MEAK7: variants seen among roughly 807,000 people sequenced by gnomAD.
The protein encoded by MEAK7 is MTOR-associated protein MEAK7.
In MEAK7, 68 loss-of-function variants were observed where a neutral mutation model predicts 40.5. The ratio of observed to expected loss-of-function variants is 1.68; its 90% CI spans 1.38 to 2.06. The LOEUF is 2.06. Among genes scored for constraint, MEAK7 ranks in the 30% most tolerant of loss-of-function variants. The pLI, the probability that MEAK7 is intolerant of heterozygous loss-of-function variation, is 0.00. For missense variants in MEAK7, 918 were observed against 580.5 expected, an observed-to-expected ratio of 1.58 and a Z score of -5.98; for synonymous variants, 338 against 231.9, an observed-to-expected ratio of 1.46 and a Z score of -4.16.
intron 1 of MEAK7, among the ~76,000 whole-genome samples, chr16:84,503,034 T>C (rs145144210): frequency 6.6e-5 from 10 of 152,282 alleles, no homozygotes; most frequent in African/African-American, 2.4e-4. Flanking sequence ...AAACCACTCA[T>C]CCTTGATATT....
intron 2 of MEAK7, chr16:84,497,326 G>T: frequency 1.0e-6 from 1 of 995,666 alleles, no homozygotes; most frequent in Middle Eastern, 3.7e-4. Context: ...TGGGCAAATG[G>T]GCAGTTTTAA....
At chr16:84,481,222 CCT>C (rs1912512890) in intron 6 of MEAK7, among the ~76,000 whole-genome samples, 1 of 152,356 alleles carries the variant, frequency 6.6e-6, no homozygotes, top group South Asian at 2.1e-4. Context: ...GATGCGAACC[CCT>C]GTGCCTTCCA....
At chr16:84,482,509 A>G (rs1458780990) in intron 6 of MEAK7, 83 bp downstream of exon 6, 1 of 1,606,976 alleles carries the variant, frequency 6.2e-7, no homozygotes, top group Non-Finnish European at 8.5e-7. Context: ...CCCTGCCCTG[A>G]TCTGTGGAGC....
chr16:84,485,673 C>CCTAT (rs201436650), intron 5 of MEAK7, among the ~76,000 whole-genome samples: 9,258 of 147,648 alleles, frequency 0.063, 615 homozygotes, highest in East Asian at 0.32. Context: ...CATCTATCTA[C>CCTAT]CTATCTATCT....
At chr16:84,498,156 A>C in intron 1 of MEAK7, 45 bp from the exon 2 acceptor site, 1 of 1,522,224 alleles carries the variant, frequency 6.6e-7, no homozygotes, top group Non-Finnish European at 8.8e-7. Flanking sequence ...AAAATTTAAT[A>C]ATCACAGAAA....
At chr16:84,497,221 A>C (rs572191051) in intron 2 of MEAK7, 1 of 353,788 alleles carries the variant, frequency 2.8e-6, no homozygotes, top group East Asian at 7.8e-5. Flanking sequence ...CTGGACTCCC[A>C]GGAAGATGAG....
At chr16:84,492,697 T>C (rs933834314) in intron 3 of MEAK7, among the ~76,000 whole-genome samples, 2 of 152,174 alleles carry the variant, frequency 1.3e-5, no homozygotes, top group African/African-American at 4.8e-5. Flanking sequence ...TTCTCCTGCC[T>C]TGGCCTCCCG....
chr16:84,478,251 C>G lies in MEAK7; in HGVS notation c.*1662G>C, dbSNP rs1231725831. 2 of 152,306 alleles carry G rather than the reference C, an allele frequency of 1.3e-5. No homozygotes were observed. Among genetic ancestry groups the G allele is most frequent in the East Asian group, 3.9e-4 (2 of 5,186 alleles). The allele number at this position is 152,306 out of a possible 1,614,324, so 9.4% of individuals were successfully genotyped here. On this transcript the variant is annotated 3_prime_UTR_variant, in exon 8 of 8. Transcript: ENST00000343629. Reference sequence around the variant, plus strand: ...AATGTTCCCCATAAGCCATTACAAACTGGCTAAGGAAAATCAGTCATGACT... The same window carrying G: ...AATGTTCCCCATAAGCCATTACAAAGTGGCTAAGGAAAATCAGTCATGACT...
At chr16:84,501,168 G>C (rs963742515) in intron 1 of MEAK7, among the ~76,000 whole-genome samples, 5 of 152,046 alleles carry the variant, frequency 3.3e-5, no homozygotes, top group South Asian at 2.1e-4. Context: ...GTGTGGCCTG[G>C]GGGTGTAACA....
chr16:84,483,717 A>C (rs138316950), intron 5 of MEAK7, among the ~76,000 whole-genome samples: 27 of 152,298 alleles, frequency 1.8e-4, no homozygotes, highest in African/African-American at 6.3e-4. Context: ...GGCCTCTGCC[A>C]TCAGGGTCTG....
Position 84,489,411 on chromosome 16 carries a change from A to C in MEAK7, c.396T>G (p.Asp132Glu), listed in dbSNP as rs762269192. 5 of 1,611,634 alleles carry C rather than the reference A, an allele frequency of 3.1e-6. No homozygotes were observed. Among genetic ancestry groups the C allele is most frequent in the Non-Finnish European group, 4.2e-6 (5 of 1,178,744 alleles). Residue 132 changes from aspartate (D) to glutamate (E), a missense_variant, in exon 4 of 8, where the codon GAT becomes GAG. Asp to Glu is a conservative substitution (Grantham distance 45). Transcript: ENST00000343629. ...GCACGTGCACCACAGAGCCAACCAG[A>C]TCCTCTGTAAACTGTAAGATCACAA... ...KAREVQKFTE[D>E]LVGSVVHVLS...
chr16:84,487,972 G>A (rs415078), intron 4 of MEAK7: 77,439 of 152,044 alleles, frequency 0.51, 20,577 homozygotes, highest in East Asian at 0.9. Flanking sequence ...CCAACCTAGC[G>A]AAAATTTGAC....
chr16:84,477,257 T>A lies in MEAK7; in HGVS notation c.*2656A>T, dbSNP rs1445699023. 6.6e-6 allele frequency: 1 copy of A among 152,112 alleles called. No individual in the cohort carries two copies. Among genetic ancestry groups the A allele is most frequent in the Non-Finnish European group, 1.5e-5 (1 of 68,408 alleles). 9.4% of individuals were successfully genotyped at this position (152,112 alleles called of 1,614,324 possible). ...CCCAGGCTAGAGTGCAATGGCACGA[T>A]CTCGGCTCACCACAACCTCTGCCTC... On this transcript the variant is annotated 3_prime_UTR_variant, in exon 8 of 8. Transcript: ENST00000343629.
chr16:84,490,463 T>TCC (rs1567497303), intron 3 of MEAK7, among the ~76,000 whole-genome samples: 1 of 85,876 alleles, frequency 1.2e-5, no homozygotes, highest in Non-Finnish European at 3.1e-5. Flanking sequence ...TTTTTTTTTT[T>TCC]TTTTTTTTTT....
rs539038050 is a variant in MEAK7 at position 84,482,855 on chromosome 16, G to C, written c.959-145C>G. ...TCCAGGTGTCGGCAGATCAGGGTTT[G>C]GGACAAGCTGCTAGGGACCCAGGTG... On this transcript the variant is annotated intron_variant, in intron 5 of 7. Coordinates refer to ENST00000343629, the MANE Select transcript of MEAK7 (RefSeq NM_020947.4). The C allele has an allele frequency of 2.4e-6, 3 of 1,274,942 alleles. No individual in the cohort carries two copies. In the South Asian group the frequency reaches 4.4e-5, roughly 19 times the overall value. 79.0% of individuals were successfully genotyped at this position (1,274,942 alleles called of 1,614,324 possible). A position where few individuals can be genotyped will look rare whatever the true frequency, so the allele number is the denominator to read the frequency against.
intron 2 of MEAK7, chr16:84,497,661 A>G: frequency 6.9e-7 from 1 of 1,442,538 alleles, no homozygotes; most frequent in Non-Finnish European, 9.2e-7. Context: ...TAGTACAGAT[A>G]AGAGACTATT....
intron 1 of MEAK7, among the ~76,000 whole-genome samples, chr16:84,500,646 G>C (rs368681): frequency 0.51 from 77,320 of 151,878 alleles, 21,754 homozygotes; most frequent in Non-Finnish European, 0.64. Flanking sequence ...CGCCCCATCT[G>C]ATCTCACCGC....
chr16:84,483,949 C>G (rs886207192), intron 5 of MEAK7, among the ~76,000 whole-genome samples: 7 of 152,198 alleles, frequency 4.6e-5, no homozygotes, highest in African/African-American at 1.7e-4. Flanking sequence ...GCTACAGACT[C>G]AGGCTTGCTT....
rs144075358 is a variant in MEAK7 at position 84,482,653 on chromosome 16, G to T, written c.1016C>A (p.Thr339Lys). The T allele has an allele frequency of 1.2e-6, 2 of 1,614,050 alleles. No individual in the cohort carries two copies. The highest frequency in any genetic ancestry group is 2.2e-5 in the East Asian group (1 of 44,878). The change falls in exon 6 of 8, where the codon ACG becomes AAG. Residue 339 changes from threonine to lysine, a missense_variant. Physicochemically the swap from Thr to Lys is moderately conservative, Grantham distance 78. Coordinates refer to ENST00000343629, the MANE Select transcript of MEAK7 (RefSeq NM_020947.4). ...GTACATGTAGTGGTCGTTGTAGCCC[G>T]TGTGTGTGTACACAGCCATGCTGGG... ...ICPSMAVYTHTGYNDHYMYLN... is the reference protein window; with the variant it reads ...ICPSMAVYTHKGYNDHYMYLN...
Sources: allele counts gnomAD v4.1 joint callset (sites outside exome capture counted in the v4.1 genomes callset), GRCh38; gene constraint gnomAD v4.1.1; transcripts MANE v1.5; gene names NCBI Gene and HGNC (gene_info 2026-07-23, HGNC 2026-07-21).